The following C12orf76 variants were observed in gnomAD, a reference collection of about 807,000 sequenced individuals.
C12orf76 encodes the protein uncharacterized protein C12orf76.
In C12orf76, 6 loss-of-function variants were observed where a neutral mutation model predicts 6.8. That is an observed-to-expected ratio of 0.88 (90% confidence interval 0.48 to 1.73). The LOEUF is 1.73. Among genes scored for constraint, C12orf76 ranks in the 40% most tolerant of loss-of-function variants. The pLI is 0.01. For synonymous variants in C12orf76, 56 were observed against 43.7 expected, an observed-to-expected ratio of 1.28 and a Z score of -1.11; for missense variants, 99 against 98.2, an observed-to-expected ratio of 1.01 and a Z score of -0.03.
At chr12:110,061,531 C>T (rs556716469) in intron 2 of C12orf76, among the ~76,000 whole-genome samples, 71 of 151,494 alleles carry the variant, frequency 4.7e-4, no homozygotes, top group African/African-American at 1.6e-3. Flanking sequence ...CTGCACACTG[C>T]ATACTTTTTT....
intron 1 of C12orf76, chr12:110,073,331 G>C (rs73205062): frequency 0.075 from 34,912 of 468,444 alleles, 1,442 homozygotes; most frequent in African/African-American, 0.096. Context: ...AACCATGTGA[G>C]ATTCAGAATG....
At chr12:110,045,967 TAATAAA>T (rs1892437705) in intron 1 of C12orf76, 3 of 199,766 alleles carry the variant, frequency 1.5e-5, no homozygotes, top group African/African-American at 2.3e-5. Flanking sequence ...TAAAAAATAA[TAATAAA>T]AATAAAGTTT....
chr12:110,059,041 A>C (rs999479210), exon 3 of C12orf76: 1 of 1,551,588 alleles, frequency 6.4e-7, no homozygotes, highest in African/African-American at 1.4e-5. Context: ...AAGCTTGTCC[A>C]AGGTCACATG....
At chr12:110,065,923 G>C (rs1892851336) in exon 2 of C12orf76, 2 of 1,613,788 alleles carry the variant, frequency 1.2e-6, no homozygotes. Context: ...TGCATTTACT[G>C]TTCTCTTGGT....
chr12:110,064,847 AGGCTG>A (rs1463941256), intron 2 of C12orf76, among the ~76,000 whole-genome samples: 1 of 152,138 alleles, frequency 6.6e-6, no homozygotes, highest in Non-Finnish European at 1.5e-5. Context: ...GCAGGGTGGG[AGGCTG>A]GGCTGGGGCG....
intron 2 of C12orf76, chr12:110,059,281 G>T: frequency 5.7e-6 from 7 of 1,238,078 alleles, no homozygotes; most frequent in Middle Eastern, 2.8e-4. Flanking sequence ...AATTCTTCGG[G>T]ATTCTCCATA....
exon 4 of C12orf76, chr12:110,057,226 G>T (rs1892685349): frequency 6.2e-7 from 1 of 1,613,932 alleles, no homozygotes; most frequent in African/African-American, 1.3e-5. Context: ...ATGCCAGCAT[G>T]GTTAGATTGT....
rs71079597 is a variant in C12orf76 at position 110,062,788 on chromosome 12, ATTTTTTTTTTT to A, written n.380+3061_380+3071del. Among the ~76,000 whole-genome samples, 467 of 63,408 alleles carry A rather than the reference ATTTTTTTTTTT, an allele frequency of 7.4e-3. 3 individuals are homozygous for A. The highest frequency in any genetic ancestry group is 0.011 in the Non-Finnish European group (398 of 35,230). The allele number at this position is 63,408 out of a possible 152,430, so 41.6% of individuals were successfully genotyped here. On this transcript the variant is annotated intron_variant and non_coding_transcript_variant, in intron 2 of 4. Coordinates refer to the C12orf76 transcript ENST00000309050. ...GTGTGCACCACCATGCCCAGCTAAT[ATTTTTTTTTTT>A]TTTTTTTTTTTTTTTTTAGAGATGG...
intron 1 of C12orf76, chr12:110,042,685 A>C (rs1347462268): frequency 2.8e-5 from 19 of 669,020 alleles, no homozygotes; most frequent in Non-Finnish European, 4.3e-5. Context: ...AAAAAAAAAA[A>C]CAGTAACATG....
At position 110,044,051 on chromosome 12, in the gene C12orf76, C is replaced by T. The variant is rs547634883; in HGVS notation, c.134-1592G>A. 5.9e-5 allele frequency: 9 copies of T among 151,478 alleles called. No homozygotes were observed. In the South Asian group the frequency reaches 6.3e-4, roughly 11 times the overall value. 9.4% of individuals were successfully genotyped at this position (151,478 alleles called of 1,614,324 possible). A position where few individuals can be genotyped will look rare whatever the true frequency, so the allele number is the denominator to read the frequency against. On this transcript the variant is annotated intron_variant, in intron 1 of 1. Transcript: ENST00000615315. ...AAAAATAAAGAAAAAAAAAAACTAG[C>T]GTAACCAGCAACCTGTCAGAGGTTT... is the stretch of plus-strand genomic sequence containing the variant.
At chr12:110,067,633 C>T (rs1892888147) in exon 1 of C12orf76, 1 of 955,134 alleles carries the variant, frequency 1.0e-6, no homozygotes, top group African/African-American at 1.8e-5. Flanking sequence ...ACCTCGGCCT[C>T]TCAAAGTATT....
chr12:110,059,022 T>C (rs1248743753), exon 3 of C12orf76: 13 of 1,551,436 alleles, frequency 8.4e-6, no homozygotes, highest in African/African-American at 4.1e-5. Context: ...GTGGTATGAA[T>C]GAAGCGAGAA....
chr12:110,069,029 A>G (rs1293351856), upstream of C12orf76, among the ~76,000 whole-genome samples: 1 of 152,232 alleles, frequency 6.6e-6, no homozygotes. Context: ...GTCCATTAAC[A>G]AAGAGGAAAA....
Position 110,048,510 on chromosome 12 carries a change from C to A in C12orf76, c.-15G>T. On this transcript the variant is annotated 5_prime_UTR_variant, in exon 1 of 2. Transcript: ENST00000615315. ...GGACGCAGCATCTTCCCCAGCCCTG[C>A]AGAAGCAGAGAGGCCACTTCCGTCG... 2 of 1,408,820 alleles carry A rather than the reference C, an allele frequency of 1.4e-6. No homozygotes were observed. The highest frequency in any genetic ancestry group is 1.8e-6 in the Non-Finnish European group (2 of 1,082,552). The allele number at this position is 1,408,820 out of a possible 1,614,324, so 87.3% of individuals were successfully genotyped here.
At chr12:110,064,597 A>T (rs1892827826) in intron 2 of C12orf76, among the ~76,000 whole-genome samples, 1 of 152,206 alleles carries the variant, frequency 6.6e-6, no homozygotes, top group Non-Finnish European at 1.5e-5. Context: ...GTATGTTTGA[A>T]TATTTTCTAC....
At chr12:110,050,290 T>G (rs1259186402), upstream of C12orf76, 1 of 152,244 alleles carries the variant, frequency 6.6e-6, no homozygotes, top group African/African-American at 2.4e-5. Context: ...TCCTGAAGGT[T>G]TGATTTGTAG....
intron 1 of C12orf76, among the ~76,000 whole-genome samples, chr12:110,043,011 C>T (rs568433357): frequency 1.5e-3 from 227 of 151,682 alleles, no homozygotes; most frequent in Middle Eastern, 3.4e-3. Context: ...ACCCGAGAGG[C>T]GGAGGTTACA....
exon 2 of C12orf76, chr12:110,066,031 C>T (rs1371393388): frequency 6.3e-7 from 1 of 1,579,808 alleles, no homozygotes. Flanking sequence ...GCTCTCACAT[C>T]ACCTAGGTGT....
chr12:110,046,050 C>G (rs1892439841), intron 1 of C12orf76: 1 of 157,508 alleles, frequency 6.3e-6, no homozygotes, highest in African/African-American at 2.4e-5. Flanking sequence ...CTGATCAATT[C>G]TCCCAGTCGT....
Sources: gnomAD v4.1 joint callset for allele counts (sites outside exome capture counted in the v4.1 genomes callset) on GRCh38, gnomAD v4.1.1 for gene constraint, MANE v1.5 for transcripts, NCBI Gene and HGNC (gene_info 2026-07-23, HGNC 2026-07-21) for gene names.